Variants in POLR2D observed in about 807,000 individuals in gnomAD.
POLR2D encodes DNA-directed RNA polymerase II subunit RPB4.
POLR2D carries 10 observed loss-of-function variants against 17.6 expected under a neutral mutation model. The ratio of observed to expected loss-of-function variants is 0.57; its 90% CI spans 0.35 to 0.96. The LOEUF (loss-of-function observed/expected upper bound fraction) is 0.96. Among genes scored for constraint, POLR2D ranks in the 40% least tolerant of loss-of-function variants. POLR2D has a pLI of 0.02. For synonymous variants in POLR2D, 52 were observed against 60.2 expected (o/e 0.86, Z 0.63); for missense variants, 126 against 176.4 (o/e 0.71, Z 1.62).
intron 1 of POLR2D, among the ~76,000 whole-genome samples, chr2:127,856,506 G>A (rs1690333545): frequency 6.6e-6 from 1 of 150,460 alleles, no homozygotes; most frequent in South Asian, 2.1e-4. Context: ...AGGATGGCTT[G>A]AAACTAGGAG....
chr2:127,847,799 T>C lies in POLR2D; in HGVS notation c.*308A>G, dbSNP rs1231818330. The C allele has an allele frequency of 2.8e-6, 1 of 353,316 alleles. No individual in the cohort carries two copies. Among genetic ancestry groups the C allele is most frequent in the Non-Finnish European group, 5.2e-6 (1 of 193,174 alleles). 21.9% of individuals were successfully genotyped at this position (353,316 alleles called of 1,614,324 possible). A position where few individuals can be genotyped will look rare whatever the true frequency, so the allele number is the denominator to read the frequency against. The stretch of plus-strand genomic sequence containing the variant: ...TGAAATATTAAGAAAAAAGATGATG[T>C]GGAGGCCAAAAACCAGGAATGAGGT... On this transcript the variant is annotated 3_prime_UTR_variant, in exon 4 of 4. Transcript: ENST00000272645.
At chr2:127,848,215 T>A in intron 3 of POLR2D, 30 bp from the exon 4 acceptor site, 1 of 1,490,912 alleles carries the variant, frequency 6.7e-7, no homozygotes, top group Non-Finnish European at 9.3e-7. Flanking sequence ...AATGAGTGAT[T>A]TGGCGACTGG....
Position 127,848,018 on chromosome 2 carries a change from G to T in POLR2D, c.*89C>A. The T allele has an allele frequency of 2.2e-6, 2 of 929,708 alleles. No individual in the cohort carries two copies. The highest frequency in any genetic ancestry group is 3.6e-6 in the Non-Finnish European group (2 of 560,658). The allele number at this position is 929,708 out of a possible 1,614,324, so 57.6% of individuals were successfully genotyped here. A position where few individuals can be genotyped will look rare whatever the true frequency, so the allele number is the denominator to read the frequency against. ...AAGGAATTCTCAACTGTCTTCAACA[G>T]AATTTCTGTGCAAGTCAGCCCCAGA... On this transcript the variant is annotated 3_prime_UTR_variant, in exon 4 of 4. Transcript: ENST00000272645.
intron 1 of POLR2D, among the ~76,000 whole-genome samples, chr2:127,853,348 T>C (rs566302070): frequency 1.3e-5 from 2 of 152,280 alleles, no homozygotes; most frequent in African/African-American, 4.8e-5. Flanking sequence ...GTGATAAGCA[T>C]AGTACTGATA....
At position 127,846,689 on chromosome 2, in the gene POLR2D, T is replaced by C. The variant is rs183759731; in HGVS notation, c.*1418A>G. 1 of 152,834 alleles carries C rather than the reference T, an allele frequency of 6.5e-6. No individual in the cohort carries two copies. The highest frequency in any genetic ancestry group is 2.4e-5 in the African/African-American group (1 of 41,570). 9.5% of individuals were successfully genotyped at this position (152,834 alleles called of 1,614,324 possible). A position where few individuals can be genotyped will look rare whatever the true frequency, so the allele number is the denominator to read the frequency against. Reference sequence around the variant, plus strand: ...TTAAGTAGAATTGCAATTTTATTTTTCTCCAGAGAAGTTTTTCTTCAGTCC... The same window carrying C: ...TTAAGTAGAATTGCAATTTTATTTTCCTCCAGAGAAGTTTTTCTTCAGTCC... On this transcript the variant is annotated 3_prime_UTR_variant, in exon 4 of 4. Transcript: ENST00000272645.
At chr2:127,848,307 T>C (rs935361529) in intron 3 of POLR2D, 122 bp from the exon 4 acceptor site, 4 of 608,972 alleles carry the variant, frequency 6.6e-6, no homozygotes, top group Non-Finnish European at 1.2e-5. Flanking sequence ...TGGATTTCTT[T>C]TCCACTTTTC....
intron 1 of POLR2D, among the ~76,000 whole-genome samples, chr2:127,854,329 TAG>T (rs918403355): frequency 3.9e-5 from 6 of 152,214 alleles, no homozygotes; most frequent in African/African-American, 1.4e-4. Context: ...CTCAAAGTAT[TAG>T]AGATAGTTTT....
At position 127,847,416 on chromosome 2, in the gene POLR2D, G is replaced by C. The variant is rs952303199; in HGVS notation, c.*691C>G. 1.3e-5 allele frequency: 2 copies of C among 152,318 alleles called. No individual in the cohort carries two copies. The highest frequency in any genetic ancestry group is 4.8e-5 in the African/African-American group (2 of 41,428). The allele number at this position is 152,318 out of a possible 1,614,324, so 9.4% of individuals were successfully genotyped here. ...CTCACCAGTTTGGGAGGCCAAGGCA[G>C]GGGGATCACTTGAGCCCAGGAGTTT... On this transcript the variant is annotated 3_prime_UTR_variant, in exon 4 of 4. Transcript: ENST00000272645.
At position 127,852,723 on chromosome 2, in the gene POLR2D, T is replaced by A. The variant is rs1170838097; in HGVS notation, c.254+202A>T. Among the ~76,000 whole-genome samples the A allele has an allele frequency of 6.6e-6, 1 of 152,192 alleles. No individual in the cohort carries two copies. Among genetic ancestry groups the A allele is most frequent in the Non-Finnish European group, 1.5e-5 (1 of 68,036 alleles). On this transcript the variant is annotated intron_variant, in intron 2 of 3. Coordinates refer to ENST00000272645, the MANE Select transcript of POLR2D (RefSeq NM_004805.4). This position sits in a 1 kb window ranked among gnomAD's most constrained non-coding sequence, Gnocchi z 4.0. ...TTAGCAGAGACGGGTTTTTGCTATA[T>A]CGACCAGGCTGGTCTTGAACACCTG...
Position 127,858,023 on chromosome 2 carries a change from C to T in POLR2D, c.73+5G>A. ...GCGGGGGAGTCTGGCAGCCCCGAGC[C>T]CAACCTTTAGGAAAGATGAGCTGTG... is the stretch of plus-strand genomic sequence containing the variant. On this transcript the variant is annotated splice_donor_5th_base_variant and intron_variant, in intron 1 of 3. Coordinates refer to ENST00000272645, the MANE Select transcript of POLR2D (RefSeq NM_004805.4). 6.3e-7 allele frequency: 1 copy of T among 1,578,372 alleles called. No individual in the cohort carries two copies. The highest frequency in any genetic ancestry group is 8.6e-7 in the Non-Finnish European group (1 of 1,165,004).
chr2:127,857,476 C>T (rs931545559), intron 1 of POLR2D, among the ~76,000 whole-genome samples: 1 of 152,216 alleles, frequency 6.6e-6, no homozygotes, highest in African/African-American at 2.4e-5. Context: ...CAGCCAACAG[C>T]TGAAGATAGG....
rs756712004 is a variant in POLR2D at position 127,847,970 on chromosome 2, G to A, written c.*137C>T. 4.6e-5 allele frequency: 33 copies of A among 713,448 alleles called. 1 individual carries two copies. Among genetic ancestry groups the A allele is most frequent in the Middle Eastern group, 5.5e-4 (2 of 3,650 alleles). The allele number at this position is 713,448 out of a possible 1,614,324, so 44.2% of individuals were successfully genotyped here. A position where few individuals can be genotyped will look rare whatever the true frequency, so the allele number is the denominator to read the frequency against. ...ATTTGAAACAGCAACCTAACCCCACGCCAAGCTGGGCTGTTTTCTCCAAAG... is the reference window on the plus strand; with the variant it reads ...ATTTGAAACAGCAACCTAACCCCACACCAAGCTGGGCTGTTTTCTCCAAAG... On this transcript the variant is annotated 3_prime_UTR_variant, in exon 4 of 4. Coordinates refer to ENST00000272645, the MANE Select transcript of POLR2D (RefSeq NM_004805.4).
At position 127,845,589 on chromosome 2, in the gene POLR2D, G is replaced by A. The variant is rs202050613; in HGVS notation, c.*2518C>T. On this transcript the variant is annotated 3_prime_UTR_variant, in exon 4 of 4. Coordinates refer to ENST00000272645, the MANE Select transcript of POLR2D (RefSeq NM_004805.4). ...GGGGTTTCTCCATGTTGGTCAGGATGGTCTCAAACTCCCAACCTCAGGTGA... is the reference window on the plus strand; with the variant it reads ...GGGGTTTCTCCATGTTGGTCAGGATAGTCTCAAACTCCCAACCTCAGGTGA... 2.6e-5 allele frequency: 4 copies of A among 151,898 alleles called. No individual in the cohort carries two copies. The East Asian group carries it at 7.7e-4, about 29-fold the overall frequency. 9.4% of individuals were successfully genotyped at this position (151,898 alleles called of 1,614,324 possible). A position where few individuals can be genotyped will look rare whatever the true frequency, so the allele number is the denominator to read the frequency against.
chr2:127,852,686 T>G lies in POLR2D; in HGVS notation c.254+239A>C, dbSNP rs143604176. Among the ~76,000 whole-genome samples, 203 of 152,272 alleles carry G rather than the reference T, an allele frequency of 1.3e-3. No individual in the cohort carries two copies. The highest frequency in any genetic ancestry group is 4.5e-3 in the African/African-American group (188 of 41,566). The stretch of plus-strand genomic sequence containing the variant: ...ATTAATGGTGTGTACCACCAGCTAA[T>G]TTTTTGCATTTTTAGCAGAGACGGG... On this transcript the variant is annotated intron_variant, in intron 2 of 3. Coordinates refer to ENST00000272645, the MANE Select transcript of POLR2D (RefSeq NM_004805.4). This position sits in a 1 kb window ranked among gnomAD's most constrained non-coding sequence, Gnocchi z 4.0.
At chr2:127,851,393 T>G (rs1690250650) in intron 2 of POLR2D, among the ~76,000 whole-genome samples, 1 of 151,986 alleles carries the variant, frequency 6.6e-6, no homozygotes, top group African/African-American at 2.4e-5. Flanking sequence ...CACTCCAATC[T>G]GGGTGATGAA....
chr2:127,853,186 T>A, intron 1 of POLR2D, 81 bp from the exon 2 acceptor site: 1 of 1,115,262 alleles, frequency 9.0e-7, no homozygotes, highest in South Asian at 1.4e-5. Context: ...CATTTGAACA[T>A]TTCTCTGCCC....
At chr2:127,855,702 A>G (rs977318593) in intron 1 of POLR2D, among the ~76,000 whole-genome samples, 1 of 152,198 alleles carries the variant, frequency 6.6e-6, no homozygotes, top group African/African-American at 2.4e-5. Context: ...GAGGCAGTTC[A>G]GACACTTTTG....
chr2:127,857,842 T>C (rs1690364043), intron 1 of POLR2D, 186 bp downstream of exon 1: 1 of 1,322,766 alleles, frequency 7.6e-7, no homozygotes, highest in Non-Finnish European at 9.6e-7. Flanking sequence ...AATAACCCAG[T>C]TGCCCAGGCG....
chr2:127,845,712 G>C lies in POLR2D; in HGVS notation c.*2395C>G, dbSNP rs1441078752. 1.3e-5 allele frequency: 2 copies of C among 152,052 alleles called. No individual in the cohort carries two copies. The highest frequency in any genetic ancestry group is 2.9e-5 in the Non-Finnish European group (2 of 68,020). The allele number at this position is 152,052 out of a possible 1,614,324, so 9.4% of individuals were successfully genotyped here. A position where few individuals can be genotyped will look rare whatever the true frequency, so the allele number is the denominator to read the frequency against. ...TTTTCCAAGTCTGATACTATCAGTTGGTAGGCTAACAAATTCTTGCACTAA... is the reference window on the plus strand; with the variant it reads ...TTTTCCAAGTCTGATACTATCAGTTCGTAGGCTAACAAATTCTTGCACTAA... On this transcript the variant is annotated 3_prime_UTR_variant, in exon 4 of 4. Coordinates refer to ENST00000272645, the MANE Select transcript of POLR2D (RefSeq NM_004805.4).
Sources: allele counts gnomAD v4.1 joint callset (sites outside exome capture counted in the v4.1 genomes callset), GRCh38; gene constraint gnomAD v4.1.1; non-coding constraint Gnocchi (gnomAD v3.1); transcripts MANE v1.5; gene names NCBI Gene and HGNC (gene_info 2026-07-23, HGNC 2026-07-21).